CABCOCO1: variants seen among roughly 807,000 people sequenced by gnomAD.
The protein encoded by CABCOCO1 is ciliary-associated calcium-binding coiled-coil protein 1.
A neutral mutation model predicts 35.7 loss-of-function variants in CABCOCO1; 28 were observed. That is an observed-to-expected ratio of 0.78 (90% CI 0.58 to 1.07). CABCOCO1 has a LOEUF of 1.07. Among genes scored for constraint, CABCOCO1 ranks in the 50% least tolerant of loss-of-function variants. The pLI, the probability that CABCOCO1 is intolerant of heterozygous loss-of-function variation, is 0.00. For missense variants in CABCOCO1, 326 were observed against 309.2 expected (o/e 1.05, Z -0.41); for synonymous variants, 95 against 100.1 (o/e 0.95, Z 0.30).
Position 61,672,664 on chromosome 10 carries a change from T to C in CABCOCO1, c.93T>C (p.Ile31=), listed in dbSNP as rs1481341891. 2 of 978,950 alleles carry C rather than the reference T, an allele frequency of 2.0e-6. No homozygotes were observed. Among genetic ancestry groups the C allele is most frequent in the African/African-American group, 1.8e-5 (1 of 57,106 alleles). The allele number at this position is 978,950 out of a possible 1,614,324, so 60.6% of individuals were successfully genotyped here. A position where few individuals can be genotyped will look rare whatever the true frequency, so the allele number is the denominator to read the frequency against. ...CTGAATTCCAGGAGCATGAAAAGAT[T>C]CTGTCTCCGGATTTTCTTTCAGTTG... ...RDTEFQEHEK[I]LSPDFLSVAQ... is the part of the protein sequence containing the mutation. The change falls in exon 2 of 8, where the codon ATT becomes ATC. Residue 31 remains isoleucine, a synonymous_variant. Transcript: ENST00000648843.
intron 2 of CABCOCO1, among the ~76,000 whole-genome samples, chr10:61,675,730 C>CA (rs981256600): frequency 5.4e-4 from 76 of 141,078 alleles, no homozygotes; most frequent in Admixed American, 6.3e-4. Flanking sequence ...AACAAGAGAC[C>CA]AAAAAAAAAA....
chr10:61,749,270 C>T (rs979236280), intron 5 of CABCOCO1, among the ~76,000 whole-genome samples: 2 of 152,166 alleles, frequency 1.3e-5, no homozygotes, highest in African/African-American at 4.8e-5. Context: ...CACGACCATC[C>T]TCATTCCTCT....
At chr10:61,665,669 C>G (rs868412632) in intron 1 of CABCOCO1, among the ~76,000 whole-genome samples, 26 of 151,962 alleles carry the variant, frequency 1.7e-4, no homozygotes, top group Middle Eastern at 3.4e-3. Context: ...GGGCGGATCA[C>G]GAGGTCAGGA....
intron 7 of CABCOCO1, among the ~76,000 whole-genome samples, chr10:61,764,075 C>T (rs555684580): frequency 8.5e-5 from 13 of 152,070 alleles, no homozygotes; most frequent in East Asian, 7.7e-4. Context: ...AATTCTGTCT[C>T]GGTAAAATAC....
At chr10:61,716,109 T>C (rs1020982703) in intron 5 of CABCOCO1, among the ~76,000 whole-genome samples, 3 of 152,300 alleles carry the variant, frequency 2.0e-5, no homozygotes, top group Non-Finnish European at 4.4e-5. Flanking sequence ...ATATTTAAGA[T>C]GATATAAAAT....
At chr10:61,757,224 T>G (rs761028041) in intron 5 of CABCOCO1, among the ~76,000 whole-genome samples, 12 of 152,104 alleles carry the variant, frequency 7.9e-5, no homozygotes, top group Non-Finnish European at 1.2e-4. Context: ...CTAATTTTCC[T>G]TAAACTTGCT....
At chr10:61,719,110 A>G (rs1840937174) in intron 5 of CABCOCO1, among the ~76,000 whole-genome samples, 1 of 152,202 alleles carries the variant, frequency 6.6e-6, no homozygotes, top group Admixed American at 6.5e-5. Flanking sequence ...TTGCTTCTGA[A>G]TGCCTCAGAG....
intron 3 of CABCOCO1, among the ~76,000 whole-genome samples, chr10:61,685,632 T>C (rs560009293): frequency 1.3e-5 from 2 of 152,230 alleles, no homozygotes; most frequent in African/African-American, 4.8e-5. Context: ...ACCATCCCAG[T>C]TCACTGCAAC....
chr10:61,685,488 T>C (rs941912430), intron 3 of CABCOCO1: 1 of 152,160 alleles, frequency 6.6e-6, no homozygotes, highest in African/African-American at 2.4e-5. Context: ...TTTTCTTTTT[T>C]TTCATCCTAA....
At chr10:61,746,150 G>A (rs1275315741) in intron 5 of CABCOCO1, among the ~76,000 whole-genome samples, 2 of 152,120 alleles carry the variant, frequency 1.3e-5, no homozygotes, top group African/African-American at 2.4e-5. Context: ...TTTTACTCTA[G>A]TTTTAATAAT....
intron 5 of CABCOCO1, among the ~76,000 whole-genome samples, chr10:61,705,711 G>A (rs1840577135): frequency 6.6e-6 from 1 of 152,212 alleles, no homozygotes; most frequent in African/African-American, 2.4e-5. Context: ...GGCATAACAT[G>A]TTAACTAGGC....
At chr10:61,729,968 C>G (rs563900027) in intron 5 of CABCOCO1, among the ~76,000 whole-genome samples, 1 of 152,034 alleles carries the variant, frequency 6.6e-6, no homozygotes, top group South Asian at 2.1e-4. Context: ...GGGTTTCAGT[C>G]AAGTAAAATG....
chr10:61,751,912 A>G (rs1841798080), intron 5 of CABCOCO1, among the ~76,000 whole-genome samples: 1 of 152,210 alleles, frequency 6.6e-6, no homozygotes, highest in African/African-American at 2.4e-5. Context: ...GAATCAAGAT[A>G]CCACCTAGAT....
At chr10:61,739,567 AC>A (rs1841498199) in intron 5 of CABCOCO1, among the ~76,000 whole-genome samples, 1 of 111,762 alleles carries the variant, frequency 8.9e-6, no homozygotes, top group African/African-American at 2.8e-5. Context: ...GTGATTAGGG[AC>A]AGAGAGATTA....
At chr10:61,756,052 G>T (rs1483948981) in intron 5 of CABCOCO1, among the ~76,000 whole-genome samples, 1 of 151,808 alleles carries the variant, frequency 6.6e-6, no homozygotes, top group Non-Finnish European at 1.5e-5. Flanking sequence ...GATTTTATTT[G>T]CCATGTAAAT....
chr10:61,706,489 TCA>T (rs769345856), intron 5 of CABCOCO1, among the ~76,000 whole-genome samples: 1 of 152,214 alleles, frequency 6.6e-6, no homozygotes, highest in Non-Finnish European at 1.5e-5. Context: ...ATGAATGCAG[TCA>T]CCTATTCAAC....
chr10:61,758,946 G>A (rs1325491216), intron 5 of CABCOCO1, among the ~76,000 whole-genome samples: 2 of 151,870 alleles, frequency 1.3e-5, no homozygotes, highest in African/African-American at 4.8e-5. Context: ...ATGATGACAT[G>A]TAACATATTT....
chr10:61,737,952 A>G (rs1325741761), intron 5 of CABCOCO1, among the ~76,000 whole-genome samples: 1 of 152,096 alleles, frequency 6.6e-6, no homozygotes. Context: ...CCCCCAAACT[A>G]AAATAAAAAT....
chr10:61,753,718 T>C (rs1841840896), intron 5 of CABCOCO1, among the ~76,000 whole-genome samples: 1 of 152,182 alleles, frequency 6.6e-6, no homozygotes, highest in Non-Finnish European at 1.5e-5. Context: ...TCTCCTTTTC[T>C]AAATAGGTGG....
Sources: allele counts gnomAD v4.1 joint callset (sites outside exome capture counted in the v4.1 genomes callset), GRCh38; gene constraint gnomAD v4.1.1; transcripts MANE v1.5; gene names NCBI Gene and HGNC (gene_info 2026-07-23, HGNC 2026-07-21).